THRB: variants seen among roughly 807,000 people sequenced by gnomAD.
THRB encodes the protein nuclear receptor subfamily 1 group A member 2.
In THRB, 12 loss-of-function variants were observed where a neutral mutation model predicts 47.8. The ratio of observed to expected loss-of-function variants is 0.25; its 90% confidence interval spans 0.16 to 0.41. The LOEUF (loss-of-function observed/expected upper bound fraction) is 0.41. Ranked by LOEUF, THRB falls within the 10% of genes least tolerant of loss-of-function variation. The pLI is 1.00. For missense variants in THRB, 348 were observed against 589.2 expected, an observed-to-expected ratio of 0.59 and a Z score of 4.24; for synonymous variants, 218 against 212.2, an observed-to-expected ratio of 1.03 and a Z score of -0.24.
At chr3:24,212,577 C>CAAAAAAAAA (rs1199010853) in intron 4 of THRB, among the ~76,000 whole-genome samples, 4 of 84,074 alleles carry the variant, frequency 4.8e-5, no homozygotes, top group Non-Finnish European at 9.3e-5. Flanking sequence ...GACTCCGTCT[C>CAAAAAAAAA]AAAAAAAAAA....
At chr3:24,225,740 A>G (rs1274378804) in intron 4 of THRB, among the ~76,000 whole-genome samples, 1 of 152,240 alleles carries the variant, frequency 6.6e-6, no homozygotes, top group Non-Finnish European at 1.5e-5. Flanking sequence ...CATCAATGTC[A>G]GCAGAATTTC....
chr3:24,455,946 C>T (rs2073128691), intron 1 of THRB, among the ~76,000 whole-genome samples: 1 of 152,186 alleles, frequency 6.6e-6, no homozygotes, highest in South Asian at 2.1e-4. Flanking sequence ...TTATCAGCTG[C>T]TTCACTGAAT....
chr3:24,150,787 A>G (rs2149083397), intron 6 of THRB, among the ~76,000 whole-genome samples: 1 of 152,300 alleles, frequency 6.6e-6, no homozygotes, highest in East Asian at 1.9e-4. Flanking sequence ...GAAATTTCCC[A>G]TTATGCGCCG....
At chr3:24,242,599 C>T (rs1327185742) in intron 3 of THRB, among the ~76,000 whole-genome samples, 2 of 152,086 alleles carry the variant, frequency 1.3e-5, no homozygotes, top group Non-Finnish European at 2.9e-5. Context: ...TTATTTTTTT[C>T]TCAGCTGCTC....
intron 2 of THRB, among the ~76,000 whole-genome samples, chr3:24,333,988 G>T (rs868725665): frequency 6.6e-6 from 1 of 152,080 alleles, no homozygotes; most frequent in African/African-American, 2.4e-5. Flanking sequence ...CGCTCATCAG[G>T]CTCTAAAACG....
At chr3:24,379,657 C>A (rs1311961907) in intron 1 of THRB, among the ~76,000 whole-genome samples, 1 of 152,052 alleles carries the variant, frequency 6.6e-6, no homozygotes, top group Non-Finnish European at 1.5e-5. Flanking sequence ...GATCCCTACT[C>A]AGCCCCATAG....
At chr3:24,186,613 C>T (rs2042597626) in intron 5 of THRB, among the ~76,000 whole-genome samples, 1 of 152,110 alleles carries the variant, frequency 6.6e-6, no homozygotes, top group African/African-American at 2.4e-5. Context: ...ACTTAGGATG[C>T]TTACAGCAGA....
In THRB at chr3:24,122,719, C is replaced by T. The variant is rs1388608720; in HGVS notation, c.*165G>A. 2.3e-5 allele frequency: 21 copies of T among 898,360 alleles called. No individual in the cohort carries two copies. The highest frequency in any genetic ancestry group is 3.1e-4 in the Middle Eastern group (1 of 3,262). The allele number at this position is 898,360 out of a possible 1,614,324, so 55.6% of individuals were successfully genotyped here. Reference sequence around the variant, plus strand: ...ACGAAATGCAATAGTTTCAAGTACCCGCATTCAAGGGGCAATTTCATCCAT... The same window carrying T: ...ACGAAATGCAATAGTTTCAAGTACCTGCATTCAAGGGGCAATTTCATCCAT... On this transcript the variant is annotated 3_prime_UTR_variant, in exon 11 of 11. Coordinates refer to ENST00000646209, the MANE Select transcript of THRB (RefSeq NM_001354712.2).
At chr3:24,224,095 T>C (rs998152943) in intron 4 of THRB, among the ~76,000 whole-genome samples, 3 of 152,180 alleles carry the variant, frequency 2.0e-5, no homozygotes, top group Non-Finnish European at 4.4e-5. Context: ...ATAATCTGGC[T>C]AAAATGTGAA....
chr3:24,118,089 T>A lies in THRB; in HGVS notation c.*4795A>T, dbSNP rs1172215267. 6.6e-6 allele frequency: 1 copy of A among 152,548 alleles called. No homozygotes were observed. The allele number at this position is 152,548 out of a possible 1,614,324, so 9.4% of individuals were successfully genotyped here. On this transcript the variant is annotated 3_prime_UTR_variant, in exon 11 of 11. Transcript: ENST00000646209. ...ATTTGCTTATTCTAGTAGATGTTTA[T>A]TTATGAAATAAATGTCCTTACATCC...
At chr3:24,446,230 C>G (rs4858617) in intron 1 of THRB, among the ~76,000 whole-genome samples, 127,085 of 152,108 alleles carry the variant, frequency 0.84, 53,601 homozygotes, top group Non-Finnish European at 0.89. Context: ...TAATTTTACT[C>G]CATGATCTCA....
intron 3 of THRB, among the ~76,000 whole-genome samples, chr3:24,230,223 ACTT>A (rs1446447161): frequency 1.3e-5 from 2 of 152,188 alleles, no homozygotes; most frequent in Non-Finnish European, 2.9e-5. Flanking sequence ...CCTTGATCAT[ACTT>A]CTTGTCCCAT....
intron 3 of THRB, among the ~76,000 whole-genome samples, chr3:24,241,655 A>C (rs1050488796): frequency 1.3e-5 from 2 of 152,122 alleles, no homozygotes; most frequent in African/African-American, 2.4e-5. Flanking sequence ...TTGCACCAAC[A>C]AACCAAGTGC....
intron 3 of THRB, among the ~76,000 whole-genome samples, chr3:24,244,319 A>T (rs573861682): frequency 6.6e-6 from 1 of 152,294 alleles, no homozygotes; most frequent in South Asian, 2.1e-4. Context: ...GGTGTTAAAG[A>T]CAGAGCTGAA....
At chr3:24,311,579 C>T (rs1227534558) in intron 2 of THRB, among the ~76,000 whole-genome samples, 5 of 152,278 alleles carry the variant, frequency 3.3e-5, no homozygotes, top group South Asian at 4.1e-4. Context: ...ACACCTGAGT[C>T]CGTATCTTAG....
intron 1 of THRB, among the ~76,000 whole-genome samples, chr3:24,416,270 C>T (rs2068723840): frequency 6.6e-6 from 1 of 151,692 alleles, no homozygotes; most frequent in African/African-American, 2.4e-5. Context: ...CCAGAGTAGC[C>T]AGTATCCGCT....
intron 3 of THRB, among the ~76,000 whole-genome samples, chr3:24,260,978 C>A (rs1018655871): frequency 6.6e-5 from 10 of 152,136 alleles, no homozygotes; most frequent in African/African-American, 2.4e-4. Context: ...CTGGGAAGGG[C>A]CTGAAAATTA....
intron 2 of THRB, among the ~76,000 whole-genome samples, chr3:24,334,880 C>T (rs762697649): frequency 6.6e-6 from 1 of 152,146 alleles, no homozygotes; most frequent in Non-Finnish European, 1.5e-5. Context: ...TAGTTAAAAG[C>T]GTAGAATTCC....
At chr3:24,269,399 GCGCGCACACACACA>G (rs1202906599) in intron 3 of THRB, among the ~76,000 whole-genome samples, 52 of 89,908 alleles carry the variant, frequency 5.8e-4, no homozygotes, top group East Asian at 2.3e-3. Flanking sequence ...GCGCGCGCGC[GCGCGCACACACACA>G]CACACACACA....
Sources: gnomAD v4.1 joint callset for allele counts (sites outside exome capture counted in the v4.1 genomes callset) on GRCh38, gnomAD v4.1.1 for gene constraint, MANE v1.5 for transcripts, NCBI Gene and HGNC (gene_info 2026-07-23, HGNC 2026-07-21) for gene names.